CLVS1: variants seen among roughly 807,000 people sequenced by gnomAD.
CLVS1 encodes the protein clavesin-1.
Under a neutral mutation model 33.1 loss-of-function variants are expected in CLVS1, and 10 were observed. That is an observed-to-expected ratio of 0.30 (90% CI 0.19 to 0.51). The LOEUF (loss-of-function observed/expected upper bound fraction) is 0.51. Among genes scored for constraint, CLVS1 ranks in the 20% least tolerant of loss-of-function variants. The probability of loss-of-function intolerance (pLI) is 0.97; values close to 1 mark genes in which losing one functional copy is unlikely to be tolerated. For synonymous variants in CLVS1, 163 were observed against 166.1 expected (o/e 0.98, Z 0.14); for missense variants, 343 against 433.4 (o/e 0.79, Z 1.85).
chr8:61,250,574 G>C (rs1400553078), intron 2 of CLVS1, among the ~76,000 whole-genome samples: 1 of 152,114 alleles, frequency 6.6e-6, no homozygotes, highest in Admixed American at 6.5e-5. Context: ...CCATTTGTTT[G>C]TGTCCTTTCT....
intron 3 of CLVS1, among the ~76,000 whole-genome samples, chr8:61,405,046 A>G (rs1814933120): frequency 6.6e-6 from 1 of 152,198 alleles, no homozygotes; most frequent in Non-Finnish European, 1.5e-5. Context: ...TGCTTGAGTC[A>G]CCAACAATGC....
At chr8:61,025,442 A>G in the CLVS1 span, among the ~76,000 whole-genome samples, 8 of 152,194 alleles carry the variant, frequency 5.3e-5, no homozygotes, top group Admixed American at 6.5e-5. Flanking sequence ...ATCATGCTAG[A>G]AGGTCTTTTT....
intron 1 of CLVS1, among the ~76,000 whole-genome samples, chr8:61,297,268 A>G (rs888420412): frequency 1.3e-5 from 2 of 152,202 alleles, no homozygotes; most frequent in African/African-American, 4.8e-5. Flanking sequence ...CAACTGTAAT[A>G]TAGAGAATAG....
chr8:61,414,689 C>G (rs116678575), intron 3 of CLVS1, among the ~76,000 whole-genome samples: 311 of 152,156 alleles, frequency 2.0e-3, no homozygotes, highest in Non-Finnish European at 3.7e-3. Context: ...AGCTGAAGTC[C>G]ACAGATGAAG....
At chr8:61,275,137 A>G (rs1809536756) in intron 2 of CLVS1, among the ~76,000 whole-genome samples, 2 of 152,210 alleles carry the variant, frequency 1.3e-5, no homozygotes, top group South Asian at 4.1e-4. Flanking sequence ...GATTGCAAAC[A>G]GGAGACCTCT....
chr8:61,069,953 T>A (rs1464599655), intron 1 of CLVS1, among the ~76,000 whole-genome samples: 2 of 152,042 alleles, frequency 1.3e-5, no homozygotes, highest in Non-Finnish European at 2.9e-5. Context: ...CCACCATGCC[T>A]GGCTAATTTT....
At chr8:61,137,321 G>T (rs1247775280) in intron 2 of CLVS1, among the ~76,000 whole-genome samples, 2 of 152,194 alleles carry the variant, frequency 1.3e-5, no homozygotes, top group Admixed American at 6.5e-5. Context: ...CATGGAGGGA[G>T]AAAACATGGG....
In CLVS1 at chr8:61,074,386, G is replaced by GTA. The variant is rs1164881107; in HGVS notation, c.-243+17166_-243+17167dup. Among the ~76,000 whole-genome samples, 12 of 50,274 alleles carry GTA rather than the reference G, an allele frequency of 2.4e-4. 2 individuals carry two copies. In the African/African-American group the frequency reaches 3.9e-3, roughly 16 times the overall value. The allele number at this position is 50,274 out of a possible 152,430, so 33.0% of individuals were successfully genotyped here. On this transcript the variant is annotated intron_variant, in intron 1 of 2. Transcript: ENST00000522621. ...TATATATATATATATAAGTATATGT[G>GTA]TATATATATATGTTATATATATATA...
chr8:61,120,741 C>T (rs1025048078), intron 1 of CLVS1, among the ~76,000 whole-genome samples: 3 of 143,648 alleles, frequency 2.1e-5, no homozygotes, highest in Admixed American at 2.0e-4. Flanking sequence ...CTCAGATCTC[C>T]AGCTGCGTGC....
the CLVS1 span, among the ~76,000 whole-genome samples, chr8:61,018,442 G>A: frequency 6.6e-6 from 1 of 152,220 alleles, no homozygotes; most frequent in Non-Finnish European, 1.5e-5. Context: ...TGAAAGATGA[G>A]CAGAAGTTGA....
the CLVS1 span, among the ~76,000 whole-genome samples, chr8:60,991,820 C>T: frequency 9.4e-5 from 14 of 149,472 alleles, no homozygotes; most frequent in Admixed American, 3.4e-4. Context: ...GATCTGGGCT[C>T]ACTGTAACCT....
At chr8:61,093,972 G>A (rs2915580) in intron 1 of CLVS1, among the ~76,000 whole-genome samples, 1 of 152,232 alleles carries the variant, frequency 6.6e-6, no homozygotes, top group Non-Finnish European at 1.5e-5. Context: ...GTGCCTGGGA[G>A]CCATGGGGTT....
rs563801416 is a variant in CLVS1, at chr8:61,306,907, G to A, written c.455+6625G>A. Reference sequence around the variant, plus strand: ...AAAAATACAGCTGAGAACCCTTAGCGGTATGCACTATGGGTACATAAGTGC... The same window carrying A: ...AAAAATACAGCTGAGAACCCTTAGCAGTATGCACTATGGGTACATAAGTGC... On this transcript the variant is annotated intron_variant, in intron 2 of 5. Transcript: ENST00000325897. 9.2e-5 allele frequency among the ~76,000 whole-genome samples: 14 copies of A among 152,292 alleles called. No individual in the cohort carries two copies. The East Asian group carries it at 2.5e-3, about 27-fold the overall frequency.
chr8:61,353,192 A>G lies in CLVS1; in HGVS notation c.456-23413A>G, dbSNP rs145853316. Among the ~76,000 whole-genome samples the G allele has an allele frequency of 1.0e-2, 1,516 of 152,102 alleles. 9 individuals carry two copies. Among genetic ancestry groups the G allele is most frequent in the Non-Finnish European group, 0.016 (1,075 of 67,892 alleles). On this transcript the variant is annotated intron_variant, in intron 2 of 5. Transcript: ENST00000325897. ...AAGATTTGAACAACGCAATCAACCA[A>G]CAGGATCTAATTGACATTTATAGAA...
chr8:60,979,058 C>T, the CLVS1 span, among the ~76,000 whole-genome samples: 2 of 152,214 alleles, frequency 1.3e-5, no homozygotes, highest in South Asian at 4.1e-4. Context: ...GCTAGTTTTA[C>T]AAGGCCAAGT....
chr8:61,148,855 G>C lies in CLVS1; in HGVS notation c.-152+16995G>C, dbSNP rs147166705. 2.6e-3 allele frequency among the ~76,000 whole-genome samples: 399 copies of C among 152,304 alleles called. 1 individual carries two copies. The highest frequency in any genetic ancestry group is 8.8e-3 in the African/African-American group (365 of 41,554). ...TGTGTGTGTGCCGACACATGTGTAC[G>C]TGTGTCGTGATATCTGGGTTCAAAC... On this transcript the variant is annotated intron_variant, in intron 2 of 2. Coordinates refer to the CLVS1 transcript ENST00000522621.
the CLVS1 span, among the ~76,000 whole-genome samples, chr8:61,027,888 T>C: frequency 2.6e-5 from 4 of 152,370 alleles, no homozygotes; most frequent in Admixed American, 2.6e-4. Context: ...CATTCTAATG[T>C]TCTCACTTAG....
chr8:61,002,697 G>A, the CLVS1 span, among the ~76,000 whole-genome samples: 20 of 152,154 alleles, frequency 1.3e-4, no homozygotes, highest in Admixed American at 3.9e-4. Flanking sequence ...ACATTTGTGA[G>A]CCCCCTATAC....
chr8:61,060,962 G>A (rs917671606), intron 1 of CLVS1, among the ~76,000 whole-genome samples: 5 of 152,070 alleles, frequency 3.3e-5, no homozygotes, highest in African/African-American at 1.2e-4. Flanking sequence ...CTTTTCATGG[G>A]AGAAATAACT....
Sources: allele counts gnomAD v4.1 joint callset (sites outside exome capture counted in the v4.1 genomes callset), GRCh38; gene constraint gnomAD v4.1.1; transcripts MANE v1.5; gene names NCBI Gene and HGNC (gene_info 2026-07-23, HGNC 2026-07-21).